The following ZNF225 variants were observed in gnomAD, a reference collection of about 807,000 sequenced individuals.
The protein encoded by ZNF225 is zinc finger protein 225.
ZNF225 carries 6 observed loss-of-function variants against 12.0 expected under a neutral mutation model. That is an observed-to-expected ratio of 0.50 (90% CI 0.27 to 0.98). The LOEUF (loss-of-function observed/expected upper bound fraction) is 0.98. Ranked by LOEUF, ZNF225 falls within the 50% of genes least tolerant of loss-of-function variation. ZNF225 has a pLI of 0.11. For synonymous variants in ZNF225, 271 were observed against 283.2 expected (o/e 0.96, Z 0.43); for missense variants, 763 against 848.2 (o/e 0.90, Z 1.25).
At position 44,130,862 on chromosome 19, in the gene ZNF225, A is replaced by C; in HGVS notation, c.248A>C (p.Gln83Pro). 11 of 1,610,892 alleles carry C rather than the reference A, an allele frequency of 6.8e-6. No homozygotes were observed. The highest frequency in any genetic ancestry group is 9.3e-6 in the Non-Finnish European group (11 of 1,178,502). Reference sequence around the variant, plus strand: ...TGTGTCATTATAGGAGGCAAGATCCAAATGGAGATGGAGACTGTTTCAGAA... The same window carrying C: ...TGTGTCATTATAGGAGGCAAGATCCCAATGGAGATGGAGACTGTTTCAGAA... ...QREGNLGGKI[Q>P]MEMETVSESG... Residue 83 changes from glutamine (Q) to proline (P), a missense_variant, in exon 5 of 5, where the codon CAA becomes CCA. Gln to Pro is a moderately conservative substitution (Grantham distance 76). Transcript: ENST00000262894.
At chr19:44,119,112 G>A (rs979642742) in intron 4 of ZNF225, among the ~76,000 whole-genome samples, 3 of 152,256 alleles carry the variant, frequency 2.0e-5, no homozygotes, top group South Asian at 2.1e-4. Context: ...CACCGCGCCC[G>A]GCTGGCTTCT....
chr19:44,122,339 C>A (rs1724415289), intron 4 of ZNF225, among the ~76,000 whole-genome samples: 1 of 152,146 alleles, frequency 6.6e-6, no homozygotes, highest in Non-Finnish European at 1.5e-5. Context: ...GTTCTCTATT[C>A]TGTTCCTTTG....
upstream of ZNF225, chr19:44,112,312 G>A (rs765728663): frequency 1.3e-5 from 2 of 152,076 alleles, no homozygotes; most frequent in African/African-American, 4.8e-5. Context: ...CTATGTCTGC[G>A]GCAGCTGGAT....
chr19:44,113,287 A>G (rs1007128848), upstream of ZNF225: 1 of 151,494 alleles, frequency 6.6e-6, no homozygotes, highest in Non-Finnish European at 1.5e-5. Flanking sequence ...GTCTCGGTCA[A>G]TTTGACTCCG....
At chr19:44,122,394 C>G (rs1435326779) in intron 4 of ZNF225, among the ~76,000 whole-genome samples, 1 of 152,148 alleles carries the variant, frequency 6.6e-6, no homozygotes, top group African/African-American at 2.4e-5. Flanking sequence ...GTTTTGGTGA[C>G]TATGGTCTTA....
rs1193352542 is a variant in ZNF225, at chr19:44,131,539, G to A, written c.925G>A (p.Val309Ile). The A allele has an allele frequency of 1.2e-6, 2 of 1,614,094 alleles. No homozygotes were observed. The highest frequency in any genetic ancestry group is 4.5e-5 in the East Asian group (2 of 44,874). The change falls in exon 5 of 5, where the codon GTT becomes ATT. Residue 309 changes from valine (V) to isoleucine (I), a missense_variant. Transcript: ENST00000262894. The stretch of plus-strand genomic sequence containing the variant: ...AGCAAATCTTAATAGGCATTCCATG[G>A]TTCACATGCGAGAGAAACCATTCAG... ...SRANLNRHSM[V>I]HMREKPFRCD... is the part of the protein sequence containing the mutation.
At chr19:44,120,821 T>C (rs566354197) in intron 4 of ZNF225, among the ~76,000 whole-genome samples, 169 of 152,292 alleles carry the variant, frequency 1.1e-3, no homozygotes, top group African/African-American at 3.9e-3. Context: ...ACCCGAGCAG[T>C]ATATGCTGCA....
At chr19:44,124,197 T>A (rs779074574) in intron 4 of ZNF225, among the ~76,000 whole-genome samples, 6 of 152,046 alleles carry the variant, frequency 3.9e-5, no homozygotes, top group Non-Finnish European at 7.4e-5. Context: ...ATCCCAGAGG[T>A]TTTCATGGGT....
chr19:44,113,672 C>A (rs1967877837), intron 1 of ZNF225, 103 bp downstream of exon 1: 1 of 152,182 alleles, frequency 6.6e-6, no homozygotes, highest in Non-Finnish European at 1.5e-5. Context: ...GGTCGGGTCG[C>A]GTCTCGCCTG....
rs1168575224 is a variant in ZNF225 at position 44,115,784 on chromosome 19, T to C, written c.-44T>C. On this transcript the variant is annotated 5_prime_UTR_variant, in exon 2 of 5. Transcript: ENST00000262894. ...GGCAGGATTCTGCTTTCCCTTGGAC[T>C]GTATCACTCAGGACTCTGAATATTC... 7 of 1,606,218 alleles carry C rather than the reference T, an allele frequency of 4.4e-6. No individual in the cohort carries two copies. The East Asian group carries it at 9.0e-5, about 21-fold the overall frequency.
At chr19:44,113,806 T>TAA (rs1204063895) in intron 1 of ZNF225, among the ~76,000 whole-genome samples, 2 of 152,188 alleles carry the variant, frequency 1.3e-5, no homozygotes, top group East Asian at 3.9e-4. Flanking sequence ...CCGTTACAGT[T>TAA]CTTTAAGATG....
Position 44,134,429 on chromosome 19 carries a change from A to G in ZNF225, c.*1694A>G, listed in dbSNP as rs1365992567. The G allele has an allele frequency of 1.3e-5, 2 of 152,196 alleles. No homozygotes were observed. Among genetic ancestry groups the G allele is most frequent in the Non-Finnish European group, 2.9e-5 (2 of 68,034 alleles). The allele number at this position is 152,196 out of a possible 1,614,324, so 9.4% of individuals were successfully genotyped here. A position where few individuals can be genotyped will look rare whatever the true frequency, so the allele number is the denominator to read the frequency against. ...CCTCTCAAACTCCGTGTTTCCTAAC[A>G]CCAGCTAAAGGCCAGTCTTATAAGC... On this transcript the variant is annotated 3_prime_UTR_variant, in exon 5 of 5. Transcript: ENST00000262894.
At position 44,118,511 on chromosome 19, in the gene ZNF225, C is replaced by A. The variant is rs1341691905; in HGVS notation, c.172C>A (p.His58Asn). 2 of 1,613,552 alleles carry A rather than the reference C, an allele frequency of 1.2e-6. No homozygotes were observed. The highest frequency in any genetic ancestry group is 1.7e-6 in the Non-Finnish European group (2 of 1,179,662). ...GHQSLHRDTF[H>N]FLKEEKFWMM... is the part of the protein sequence containing the mutation. ...TCAATCACTCCACAGAGATACTTTCCACTTCCTAAAGGAAGAAAAGTTTTG... is the reference window on the plus strand; with the variant it reads ...TCAATCACTCCACAGAGATACTTTCAACTTCCTAAAGGAAGAAAAGTTTTG... The change falls in exon 4 of 5, where the codon CAC becomes AAC. Residue 58 changes from histidine to asparagine, a missense_variant. Coordinates refer to ENST00000262894, the MANE Select transcript of ZNF225 (RefSeq NM_013362.4).
At chr19:44,125,008 AC>A (rs1195996942) in intron 4 of ZNF225, among the ~76,000 whole-genome samples, 2 of 152,222 alleles carry the variant, frequency 1.3e-5, no homozygotes, top group African/African-American at 4.8e-5. Context: ...TAGGCCATTT[AC>A]ATTCAATGTT....
At chr19:44,116,277 A>G (rs2147552289) in intron 2 of ZNF225, among the ~76,000 whole-genome samples, 1 of 152,274 alleles carries the variant, frequency 6.6e-6, no homozygotes, top group South Asian at 2.1e-4. Context: ...CCGTGTGAAC[A>G]CCTCCAATAA....
Position 44,131,521 on chromosome 19 carries a change from C to CTT in ZNF225, c.908_909dup (p.Asn304LeufsTer25), listed in dbSNP as rs536662558. ...TAAGAGCTTCCGTAGTAGAGCAAAT[C>CTT]TTAATAGGCATTCCATGGTTCACAT... On this transcript the variant is annotated frameshift_variant, in exon 5 of 5. Transcript: ENST00000262894. LOFTEE classifies it low-confidence loss of function (END_TRUNC). The CTT allele has an allele frequency of 1.9e-6, 3 of 1,614,126 alleles. No homozygotes were observed. The highest frequency in any genetic ancestry group is 2.5e-6 in the Non-Finnish European group (3 of 1,179,998).
intron 4 of ZNF225, chr19:44,129,018 T>TC: frequency 8.2e-7 from 1 of 1,222,102 alleles, no homozygotes. Context: ...ATCAGGATCA[T>TC]CCCCCTTTGT....
At chr19:44,120,180 G>A (rs948455069) in intron 4 of ZNF225, among the ~76,000 whole-genome samples, 4 of 152,292 alleles carry the variant, frequency 2.6e-5, no homozygotes, top group South Asian at 2.1e-4. Context: ...TGGCGCCACC[G>A]CACTCCAGCC....
intron 2 of ZNF225, among the ~76,000 whole-genome samples, chr19:44,117,515 T>C (rs1383537840): frequency 1.3e-5 from 2 of 152,186 alleles, no homozygotes; most frequent in African/African-American, 4.8e-5. Flanking sequence ...TGGGACTGAA[T>C]TGTTAAATGT....
Sources: allele counts gnomAD v4.1 joint callset (sites outside exome capture counted in the v4.1 genomes callset), GRCh38; gene constraint gnomAD v4.1.1; transcripts MANE v1.5; gene names NCBI Gene and HGNC (gene_info 2026-07-23, HGNC 2026-07-21).